Variants in PLEC observed in about 807,000 individuals in gnomAD.
PLEC encodes the protein plectin, also known as hemidesmosomal protein 1.
A neutral mutation model predicts 392.8 loss-of-function variants in PLEC; 216 were observed. The ratio of observed to expected loss-of-function variants is 0.55; its 90% CI spans 0.49 to 0.62. The LOEUF (loss-of-function observed/expected upper bound fraction) is 0.62. Ranked by LOEUF, PLEC falls within the 20% of genes least tolerant of loss-of-function variation. The pLI is 0.00. For missense variants in PLEC, 6,863 were observed against 6,563.4 expected, an observed-to-expected ratio of 1.05 and a Z score of -1.58; for synonymous variants, 3,621 against 2,980.6, an observed-to-expected ratio of 1.21 and a Z score of -7.00.
chr8:143,938,610 G>A (rs781816831), intron 2 of PLEC, 21 bp downstream of exon 2: 5 of 1,612,342 alleles, frequency 3.1e-6, no homozygotes, highest in South Asian at 2.2e-5. Flanking sequence ...CCTGTGACAC[G>A]CACCAGCATG....
At chr8:143,939,610 C>T (rs1255976152), upstream of PLEC, 1 of 1,476,314 alleles carries the variant, frequency 6.8e-7, no homozygotes, top group African/African-American at 1.4e-5. Context: ...TCGGTGCGGC[C>T]ACTCCCTGCC....
chr8:143,929,999 G>C lies in PLEC; in HGVS notation c.2676C>G (p.Ser892Arg), dbSNP rs782309376. ...GGCGAAGGCTCTGCCAGGCCAGAAG[G>C]CTCTTCATGTCCACGTGCAACTGGT... is the stretch of plus-strand genomic sequence containing the variant. ...LWHQLHVDMK[S>R]LLAWQSLRRD... The change falls in exon 22 of 32, where the codon AGC (serine) becomes AGG (arginine). Residue 892 changes from serine to arginine, a missense_variant. Coordinates refer to ENST00000345136, the MANE Select transcript of PLEC (RefSeq NM_201384.3). The C allele has an allele frequency of 8.7e-6, 14 of 1,612,204 alleles. No individual in the cohort carries two copies. The Admixed American group carries it at 2.0e-4, about 23-fold the overall frequency.
intron 1 of PLEC, among the ~76,000 whole-genome samples, chr8:143,959,455 G>A (rs558109533): frequency 7.9e-5 from 12 of 152,364 alleles, no homozygotes; most frequent in African/African-American, 1.9e-4. Flanking sequence ...GACCAGGCTC[G>A]GGGTCCGGGA....
At chr8:143,930,325 A>ATGGCCACACCCTGCCCTGCC in intron 20 of PLEC, 27 bp from the exon 21 acceptor site, 1 of 1,595,364 alleles carries the variant, frequency 6.3e-7, no homozygotes, top group Non-Finnish European at 8.5e-7. Flanking sequence ...CGGTGAGGAC[A>ATGGCCACACCCTGCCCTGCC]TGGCCACACC....
At position 143,973,515 on chromosome 8, in the gene PLEC, C is replaced by G; in HGVS notation, c.-43G>C. Reference sequence around the variant, plus strand: ...GCGGGGTGCAGCGGAGCCTCCAGCACCCGGCGGCCACTCTGTCCCCGCGGC... The same window carrying G: ...GCGGGGTGCAGCGGAGCCTCCAGCAGCCGGCGGCCACTCTGTCCCCGCGGC... On this transcript the variant is annotated 5_prime_UTR_variant, in exon 1 of 32. Transcript: ENST00000356346. This position sits in a 1 kb window ranked among gnomAD's most constrained non-coding sequence, Gnocchi z 5.6. 2 of 1,336,620 alleles carry G rather than the reference C, an allele frequency of 1.5e-6. No homozygotes were observed. Among genetic ancestry groups the G allele is most frequent in the Non-Finnish European group, 1.9e-6 (2 of 1,034,932 alleles). The allele number at this position is 1,336,620 out of a possible 1,614,324, so 82.8% of individuals were successfully genotyped here.
At position 143,973,405 on chromosome 8, in the gene PLEC, T is replaced by C. The variant is rs782724707; in HGVS notation, c.68A>G (p.Lys23Arg). The change falls in exon 1 of 32, where the codon AAA becomes AGA. Residue 23 changes from lysine to arginine, a missense_variant and splice_region_variant. Transcript: ENST00000356346. This position sits in a 1 kb window ranked among gnomAD's most constrained non-coding sequence, Gnocchi z 5.6. ...GGCAGCGGGACGGGGGGCCGTACCT[T>C]TGTACTTCTCGCGCACCTCCTCGTA... The C allele has an allele frequency of 6.4e-6, 10 of 1,557,104 alleles. No homozygotes were observed. Among genetic ancestry groups the C allele is most frequent in the Non-Finnish European group, 2.6e-6 (3 of 1,151,860 alleles).
chr8:143,939,736 C>T (rs1025458220), upstream of PLEC: 9 of 1,076,298 alleles, frequency 8.4e-6, no homozygotes, highest in South Asian at 1.7e-5. Flanking sequence ...CCCACAGACA[C>T]GCCCTCGGCC....
At chr8:143,932,097 C>A (rs527754540) in intron 17 of PLEC, 33 bp downstream of exon 17, 2 of 1,585,666 alleles carry the variant, frequency 1.3e-6, no homozygotes, top group East Asian at 2.3e-5. Flanking sequence ...CACGGCCCCC[C>A]CCGCAGCCCC....
At chr8:143,946,219 G>T (rs1265667193) in intron 1 of PLEC, 6 of 553,088 alleles carry the variant, frequency 1.1e-5, no homozygotes, top group Admixed American at 3.1e-5. Flanking sequence ...GCTCCGAGAG[G>T]GGGCTGTGCC....
At position 143,925,495 on chromosome 8, in the gene PLEC, C is replaced by T. The variant is rs782755209; in HGVS notation, c.4434G>A (p.Leu1478=). The T allele has an allele frequency of 3.8e-6, 6 of 1,596,154 alleles. No individual in the cohort carries two copies. The highest frequency in any genetic ancestry group is 2.2e-5 in the East Asian group (1 of 44,826). ...RGGAEGELQA[L]RARAEEAEAQ... is the part of the protein sequence containing the mutation. The stretch of plus-strand genomic sequence containing the variant: ...CCTCAGCCTCCTCCGCCCGTGCACG[C>T]AGTGCCTGCAGCTCCCCCTCAGCCC... The change falls in exon 31 of 32, where the codon CTG becomes CTA. Residue 1478 remains leucine (L), a synonymous_variant. Transcript: ENST00000345136.
chr8:143,933,219 G>T lies in PLEC; in HGVS notation c.1396C>A (p.Gln466Lys), dbSNP rs1827931173. ...CACCTGCGGTACATCTGCTCGCCCT[G>T]CGGGTGCCGTCCATCCTTGAGGGTC... ...VQTLKDGRHPQGEQMYRRVYR... is the reference protein window; with the variant it reads ...VQTLKDGRHPKGEQMYRRVYR... Residue 466 changes from glutamine (Q) to lysine (K), a missense_variant, in exon 13 of 32, where the codon CAG (glutamine) becomes AAG (lysine). Coordinates refer to ENST00000345136, the MANE Select transcript of PLEC (RefSeq NM_201384.3). The T allele has an allele frequency of 1.2e-6, 2 of 1,612,864 alleles. No individual in the cohort carries two copies. The highest frequency in any genetic ancestry group is 2.2e-5 in the South Asian group (2 of 91,076).
Position 143,919,026 on chromosome 8 carries a change from C to T in PLEC, c.10795G>A (p.Glu3599Lys). Residue 3599 changes from glutamate to lysine, a missense_variant, in exon 32 of 32, where the codon GAG becomes AAG. By Grantham distance (56) the Glu-to-Lys change is moderately conservative. Transcript: ENST00000345136. The part of the protein sequence containing the change: ...EVMQSDLIPE[E>K]QRAQLMADFQ... ...TCAGCCATCAGCTGGGCCCGCTGCT[C>T]CTCGGGGATCAGGTCCGACTGCATC... 6.2e-7 allele frequency: 1 copy of T among 1,611,308 alleles called. No individual in the cohort carries two copies. Among genetic ancestry groups the T allele is most frequent in the Non-Finnish European group, 8.5e-7 (1 of 1,180,020 alleles).
chr8:143,935,080 G>A lies in PLEC; in HGVS notation c.756C>T (p.Ile252=). The stretch of plus-strand genomic sequence containing the variant: ...CGTCATACAGCGACGAGACGTAGGT[G>A]ATGATGGACTTCTCGTCGGGCTGAG... ...DVPQPDEKSI[I]TYVSSLYDAM... Residue 252 remains isoleucine (I), a synonymous_variant, in exon 8 of 32, where the codon ATC becomes ATT. Transcript: ENST00000345136. 6.2e-7 allele frequency: 1 copy of A among 1,612,998 alleles called. No homozygotes were observed. The highest frequency in any genetic ancestry group is 8.5e-7 in the Non-Finnish European group (1 of 1,179,968).
At chr8:143,966,686 G>T (rs1185859607) in intron 1 of PLEC, among the ~76,000 whole-genome samples, 1 of 152,124 alleles carries the variant, frequency 6.6e-6, no homozygotes, top group African/African-American at 2.4e-5. Context: ...CATAGTCCCC[G>T]CGTCAGGAAG....
chr8:143,975,429 C>A, upstream of PLEC: 1 of 1,451,008 alleles, frequency 6.9e-7, no homozygotes, highest in Non-Finnish European at 9.5e-7. This position sits in a 1 kb window ranked among gnomAD's most constrained non-coding sequence, Gnocchi z 9.9. Context: ...GTGGACTCTG[C>A]ACGCCGACCC....
At chr8:143,934,243 C>T (rs1394918548) in intron 11 of PLEC, 75 bp downstream of exon 11, 15 of 1,600,566 alleles carry the variant, frequency 9.4e-6, no homozygotes, top group Admixed American at 8.3e-5. Flanking sequence ...GGGGGCGGGG[C>T]GGGGAGGGGG....
upstream of PLEC, among the ~76,000 whole-genome samples, chr8:143,944,280 C>T (rs1220627133): frequency 1.3e-5 from 2 of 152,168 alleles, no homozygotes; most frequent in African/African-American, 2.4e-5. Context: ...GGCCTCGGCA[C>T]ACACCCTCCC....
chr8:143,958,010 A>G (rs1297883929), upstream of PLEC, among the ~76,000 whole-genome samples: 11 of 152,122 alleles, frequency 7.2e-5, no homozygotes, highest in African/African-American at 2.2e-4. This position sits in a 1 kb window ranked among gnomAD's most constrained non-coding sequence, Gnocchi z 4.9. Flanking sequence ...TGCCAGATAC[A>G]TCCAGCACAC....
rs781983900 is a variant in PLEC, at chr8:143,921,141, G to A, written c.8680C>T (p.Leu2894=). The change falls in exon 32 of 32, where the codon CTG becomes TTG. Residue 2894 remains leucine (L), a synonymous_variant. Transcript: ENST00000345136. ...LTDKAAKGGE[L]VYTDSEARDV... ...CGGGCCTCGGAGTCAGTGTAGACCA[G>A]CTCCCCGCCCTTGGCAGCCTTATCC... 5.0e-6 allele frequency: 8 copies of A among 1,613,182 alleles called. No homozygotes were observed. Among genetic ancestry groups the A allele is most frequent in the Middle Eastern group, 1.6e-4 (1 of 6,084 alleles).
Sources: gnomAD v4.1 joint callset for allele counts (sites outside exome capture counted in the v4.1 genomes callset) on GRCh38, gnomAD v4.1.1 for gene constraint, Gnocchi (gnomAD v3.1) non-coding constraint, MANE v1.5 for transcripts, NCBI Gene and HGNC (gene_info 2026-07-23, HGNC 2026-07-21) for gene names.